Variants in KCNQ1 observed in about 807,000 individuals in gnomAD.
KCNQ1 encodes potassium voltage-gated channel subfamily KQT member 1.
A neutral mutation model predicts 72.4 loss-of-function variants in KCNQ1; 49 were observed. The ratio of observed to expected loss-of-function variants is 0.68; its 90% confidence interval spans 0.54 to 0.86. The LOEUF is 0.86. Among genes scored for constraint, KCNQ1 ranks in the 40% least tolerant of loss-of-function variants. The pLI is 0.00. For missense variants in KCNQ1, 790 were observed against 945.1 expected, an observed-to-expected ratio of 0.84 and a Z score of 2.15; for synonymous variants, 450 against 412.6, an observed-to-expected ratio of 1.09 and a Z score of -1.10.
rs910058525 is a variant in KCNQ1, at chr11:2,673,482, A to C, written c.1514+11401A>C. ...CCGGAACACCTGAAAAGCCATACAG[A>C]CTCCTGCTCATCACAACCACTTGTT... On this transcript the variant is annotated intron_variant, in intron 11 of 15. Coordinates refer to ENST00000155840, the MANE Select transcript of KCNQ1 (RefSeq NM_000218.3). This position sits in a 1 kb window ranked among gnomAD's most constrained non-coding sequence, Gnocchi z 4.5. The C allele has an allele frequency of 5.0e-6, 2 of 398,168 alleles. No homozygotes were observed. The highest frequency in any genetic ancestry group is 8.8e-6 in the Non-Finnish European group (2 of 226,018). The allele number at this position is 398,168 out of a possible 1,614,324, so 24.7% of individuals were successfully genotyped here.
At position 2,515,692 on chromosome 11, in the gene KCNQ1, G is replaced by A. The variant is rs1847277185; in HGVS notation, c.387-12236G>A. Among the ~76,000 whole-genome samples the A allele has an allele frequency of 6.6e-6, 1 of 152,130 alleles. No individual in the cohort carries two copies. Among genetic ancestry groups the A allele is most frequent in the South Asian group, 2.1e-4 (1 of 4,826 alleles). On this transcript the variant is annotated intron_variant, in intron 1 of 15. Coordinates refer to ENST00000155840, the MANE Select transcript of KCNQ1 (RefSeq NM_000218.3). The surrounding 1 kb of genome is among the most constrained non-coding windows in gnomAD (Gnocchi z 4.7). ...GGGCAGATAGGGCCACATCCATGGGGTCACTTCAGTTTGTCCTCCCGGCGC... is the reference window on the plus strand; with the variant it reads ...GGGCAGATAGGGCCACATCCATGGGATCACTTCAGTTTGTCCTCCCGGCGC...
chr11:2,692,155 T>G (rs1850598617), intron 11 of KCNQ1: 2 of 398,708 alleles, frequency 5.0e-6, no homozygotes, highest in Non-Finnish European at 8.8e-6. Context: ...CCTTTCAGTG[T>G]CACCCATCCT....
intron 10 of KCNQ1, chr11:2,638,395 G>A (rs1849514526): frequency 6.6e-6 from 1 of 152,142 alleles, no homozygotes. Flanking sequence ...CTCAGCATTT[G>A]CTTGTCTATA....
chr11:2,631,746 T>A, intron 10 of KCNQ1: 2 of 398,660 alleles, frequency 5.0e-6, no homozygotes, highest in Non-Finnish European at 4.4e-6. Flanking sequence ...GGAATACTCT[T>A]CTTGCAGCTC....
intron 1 of KCNQ1, among the ~76,000 whole-genome samples, chr11:2,466,311 G>C (rs897799986): frequency 6.6e-5 from 10 of 152,128 alleles, no homozygotes; most frequent in Admixed American, 6.5e-5. Flanking sequence ...GGTGCTTGCT[G>C]GGGGGAGAAG....
At chr11:2,615,954 T>G in intron 10 of KCNQ1, 2 of 398,164 alleles carry the variant, frequency 5.0e-6, no homozygotes, top group East Asian at 7.1e-5. Flanking sequence ...TCTTCAAGTG[T>G]TTGGTATAAT....
intron 11 of KCNQ1, chr11:2,696,444 C>CT: frequency 2.5e-6 from 1 of 398,704 alleles, no homozygotes; most frequent in Non-Finnish European, 4.4e-6. Context: ...TTCTGGGCCT[C>CT]TGTCACCACA....
chr11:2,483,091 G>C lies in KCNQ1; in HGVS notation c.386+37607G>C, dbSNP rs12801583. Among the ~76,000 whole-genome samples, 12,690 of 152,170 alleles carry C rather than the reference G, an allele frequency of 0.083. 710 individuals carry two copies. The highest frequency in any genetic ancestry group is 0.24 in the East Asian group (1,247 of 5,162). ...CCTGATGGAATTGAGGGAGTGGGTGGTGTGTGCTTCTGCAGGAAGAGCACC... is the reference window on the plus strand; with the variant it reads ...CCTGATGGAATTGAGGGAGTGGGTGCTGTGTGCTTCTGCAGGAAGAGCACC... On this transcript the variant is annotated intron_variant, in intron 1 of 15. Coordinates refer to ENST00000155840, the MANE Select transcript of KCNQ1 (RefSeq NM_000218.3). This position sits in a 1 kb window ranked among gnomAD's most constrained non-coding sequence, Gnocchi z 6.1.
In KCNQ1 at chr11:2,813,339, C is replaced by T. The variant is rs566534559; in HGVS notation, c.1795-34428C>T. ...GGCATCTGCCCTGTGTCCTCATGCA[C>T]CTCCATTCAGGGAACCTGGGCTCCC... On this transcript the variant is annotated intron_variant, in intron 15 of 15. Transcript: ENST00000155840. This position sits in a 1 kb window ranked among gnomAD's most constrained non-coding sequence, Gnocchi z 4.4. 1.2e-4 allele frequency among the ~76,000 whole-genome samples: 19 copies of T among 152,334 alleles called. No individual in the cohort carries two copies. The highest frequency in any genetic ancestry group is 1.1e-3 in the Admixed American group (17 of 15,308).
intron 11 of KCNQ1, among the ~76,000 whole-genome samples, chr11:2,761,413 G>A (rs987551488): frequency 1.3e-5 from 2 of 152,148 alleles, no homozygotes; most frequent in Non-Finnish European, 2.9e-5. Flanking sequence ...CTAAGGTCTC[G>A]AGATCTTTAT....
At position 2,674,158 on chromosome 11, in the gene KCNQ1, G is replaced by A; in HGVS notation, c.1514+12077G>A. 2.5e-6 allele frequency: 1 copy of A among 398,746 alleles called. No individual in the cohort carries two copies. The highest frequency in any genetic ancestry group is 6.3e-4 in the Middle Eastern group (1 of 1,590). The allele number at this position is 398,746 out of a possible 1,614,324, so 24.7% of individuals were successfully genotyped here. A position where few individuals can be genotyped will look rare whatever the true frequency, so the allele number is the denominator to read the frequency against. On this transcript the variant is annotated intron_variant, in intron 11 of 15. Transcript: ENST00000155840. This position sits in a 1 kb window ranked among gnomAD's most constrained non-coding sequence, Gnocchi z 5.9. ...CCCAGTGTGGGCTCAGGAAGGGAAG[G>A]AATGTGACCAAGGCTGGGTGTGGCT... is the stretch of plus-strand genomic sequence containing the variant.
chr11:2,586,572 G>C (rs991345770), intron 8 of KCNQ1, among the ~76,000 whole-genome samples: 1 of 152,198 alleles, frequency 6.6e-6, no homozygotes, highest in African/African-American at 2.4e-5. Flanking sequence ...AGGGGCCCCA[G>C]GTGGCAGGTG....
intron 1 of KCNQ1, among the ~76,000 whole-genome samples, chr11:2,456,932 C>A (rs1474974067): frequency 8.7e-6 from 1 of 115,132 alleles, no homozygotes; most frequent in Admixed American, 1.0e-4. Flanking sequence ...GAGCAAGACT[C>A]GGTCTCAAAA....
rs895743121 is a variant in KCNQ1 at position 2,698,928 on chromosome 11, C to T, written c.1514+36847C>T. 5.0e-6 allele frequency: 2 copies of T among 398,570 alleles called. No individual in the cohort carries two copies. The highest frequency in any genetic ancestry group is 8.8e-6 in the Non-Finnish European group (2 of 226,130). The allele number at this position is 398,570 out of a possible 1,614,324, so 24.7% of individuals were successfully genotyped here. A position where few individuals can be genotyped will look rare whatever the true frequency, so the allele number is the denominator to read the frequency against. On this transcript the variant is annotated intron_variant, in intron 11 of 15. Transcript: ENST00000155840. This position sits in a 1 kb window ranked among gnomAD's most constrained non-coding sequence, Gnocchi z 5.1. ...TCCCAGCCAGGATGTGGACCCTAGA[C>T]CCGAATTCTGATCCCAACTAGGATA...
At chr11:2,846,133 C>T (rs553975533) in intron 15 of KCNQ1, among the ~76,000 whole-genome samples, 7 of 152,268 alleles carry the variant, frequency 4.6e-5, no homozygotes, top group African/African-American at 9.6e-5. Flanking sequence ...GCAGTGGGGC[C>T]GGGCGCATGA....
Position 2,676,330 on chromosome 11 carries a change from T to C in KCNQ1, c.1514+14249T>C, listed in dbSNP as rs1008834474. On this transcript the variant is annotated intron_variant, in intron 11 of 15. Transcript: ENST00000155840. This position sits in a 1 kb window ranked among gnomAD's most constrained non-coding sequence, Gnocchi z 4.2. ...CAGGTGATGGCTCTGAACAGTGTAG[T>C]TGAAGTGCTGTTTTCTCATGGTTGG... 9 of 398,508 alleles carry C rather than the reference T, an allele frequency of 2.3e-5. No individual in the cohort carries two copies. The highest frequency in any genetic ancestry group is 1.3e-4 in the South Asian group (1 of 7,856). The allele number at this position is 398,508 out of a possible 1,614,324, so 24.7% of individuals were successfully genotyped here. A position where few individuals can be genotyped will look rare whatever the true frequency, so the allele number is the denominator to read the frequency against.
rs1312894408 is a variant in KCNQ1, at chr11:2,704,845, C to T, written c.1514+42764C>T. The stretch of plus-strand genomic sequence containing the variant: ...TAGCAGCCTAGTGCATGTATGACCA[C>T]GAGCGAGCCCAAGGGAAGGACGGGT... On this transcript the variant is annotated intron_variant, in intron 11 of 15. Coordinates refer to ENST00000155840, the MANE Select transcript of KCNQ1 (RefSeq NM_000218.3). The surrounding 1 kb of genome is among the most constrained non-coding windows in gnomAD (Gnocchi z 4.3). Among the ~76,000 whole-genome samples, 1 of 152,116 alleles carries T rather than the reference C, an allele frequency of 6.6e-6. No homozygotes were observed. Among genetic ancestry groups the T allele is most frequent in the Non-Finnish European group, 1.5e-5 (1 of 68,018 alleles).
At chr11:2,587,504 A>G (rs372123343) in intron 8 of KCNQ1, 66 bp from the exon 9 acceptor site, 3 of 1,607,574 alleles carry the variant, frequency 1.9e-6, no homozygotes, top group African/African-American at 1.3e-5. Context: ...GGGGAGCTGT[A>G]GCTTCCATAA....
rs990074315 is a variant in KCNQ1, at chr11:2,536,805, C to T, written c.477+8787C>T. ...CGGCTTAAACCGTGGAGGTCGCCCT[C>T]TCACAGCTCTGGACGATGGAGGGCC... On this transcript the variant is annotated intron_variant, in intron 2 of 15. Coordinates refer to ENST00000155840, the MANE Select transcript of KCNQ1 (RefSeq NM_000218.3). The surrounding 1 kb of genome is among the most constrained non-coding windows in gnomAD (Gnocchi z 7.4). Among the ~76,000 whole-genome samples, 1 of 151,718 alleles carries T rather than the reference C, an allele frequency of 6.6e-6. No individual in the cohort carries two copies. Among genetic ancestry groups the T allele is most frequent in the Admixed American group, 6.5e-5 (1 of 15,276 alleles).
Sources: allele counts gnomAD v4.1 joint callset (sites outside exome capture counted in the v4.1 genomes callset), GRCh38; gene constraint gnomAD v4.1.1; non-coding constraint Gnocchi (gnomAD v3.1); transcripts MANE v1.5; gene names NCBI Gene and HGNC (gene_info 2026-07-23, HGNC 2026-07-21).